Variants in MED15 observed in about 807,000 individuals in gnomAD.
MED15 encodes mediator complex subunit 15, also known as mediator of RNA polymerase II transcription subunit 15.
In MED15, 41 loss-of-function variants were observed where a neutral mutation model predicts 118.7. The observed-to-expected ratio is 0.35, with a 90% CI of 0.27 to 0.45. The LOEUF (loss-of-function observed/expected upper bound fraction) is 0.45. Ranked by LOEUF, MED15 falls within the 20% of genes least tolerant of loss-of-function variation. The pLI is 1.00. For synonymous variants in MED15, 436 were observed against 413.9 expected (o/e 1.05, Z -0.65); for missense variants, 740 against 1,025.5 (o/e 0.72, Z 3.80).
chr22:20,525,184 G>A (rs945348202), intron 1 of MED15, among the ~76,000 whole-genome samples: 1 of 152,042 alleles, frequency 6.6e-6, no homozygotes, highest in South Asian at 2.1e-4. Context: ...CCAGCTACTC[G>A]GGAGACTGAG....
intron 1 of MED15, chr22:20,508,105 C>G: frequency 7.9e-7 from 1 of 1,271,194 alleles, no homozygotes; most frequent in Non-Finnish European, 1.0e-6. Context: ...TTTAGCAGGG[C>G]TGGGTGCTTC....
At chr22:20,509,200 AGCACTT>A (rs1464571280) in intron 1 of MED15, among the ~76,000 whole-genome samples, 2 of 152,096 alleles carry the variant, frequency 1.3e-5, no homozygotes, top group African/African-American at 4.8e-5. Context: ...AGCAGGTACT[AGCACTT>A]TAGTGGGGGT....
At position 20,585,714 on chromosome 22, in the gene MED15, C is replaced by T; in HGVS notation, c.2132-14C>T. Reference sequence around the variant, plus strand: ...GGCTTGTCCAGGTCACAGATAGAGCCTTCTGTGTTGCAGATGACAAGGACC... The same window carrying T: ...GGCTTGTCCAGGTCACAGATAGAGCTTTCTGTGTTGCAGATGACAAGGACC... On this transcript the variant is annotated splice_polypyrimidine_tract_variant and intron_variant, in intron 16 of 17. Coordinates refer to ENST00000263205, the MANE Select transcript of MED15 (RefSeq NM_001003891.3). 6.2e-7 allele frequency: 1 copy of T among 1,610,250 alleles called. No individual in the cohort carries two copies. The highest frequency in any genetic ancestry group is 8.5e-7 in the Non-Finnish European group (1 of 1,177,582).
intron 8 of MED15, among the ~76,000 whole-genome samples, chr22:20,569,892 G>A (rs1216441374): frequency 6.6e-6 from 1 of 152,196 alleles, no homozygotes; most frequent in East Asian, 1.9e-4. Context: ...CCTTGTCCTG[G>A]TCTCATGCAG....
chr22:20,559,101 A>G (rs2056130344), intron 5 of MED15, among the ~76,000 whole-genome samples: 1 of 152,084 alleles, frequency 6.6e-6, no homozygotes, highest in Non-Finnish European at 1.5e-5. Flanking sequence ...GGCTATGGTG[A>G]ACTATCATTG....
intron 6 of MED15, among the ~76,000 whole-genome samples, chr22:20,564,952 C>T (rs554268338): frequency 6.6e-6 from 1 of 152,264 alleles, no homozygotes; most frequent in South Asian, 2.1e-4. Context: ...GGTGAAACCC[C>T]ATCTCTACTA....
chr22:20,518,847 A>G (rs754838975), intron 1 of MED15: 2 of 452,410 alleles, frequency 4.4e-6, no homozygotes, highest in South Asian at 3.1e-5. Flanking sequence ...TCTTTTTGAG[A>G]CATTCATTTA....
intron 5 of MED15, 132 bp downstream of exon 5, chr22:20,555,280 A>C: frequency 1.9e-6 from 2 of 1,051,676 alleles, no homozygotes; most frequent in Non-Finnish European, 2.7e-6. Context: ...TGTTTTTTAA[A>C]TCTTTGTTGT....
intron 2 of MED15, among the ~76,000 whole-genome samples, chr22:20,549,039 G>A (rs142925472): frequency 1.3e-5 from 2 of 152,276 alleles, no homozygotes; most frequent in African/African-American, 2.4e-5. Flanking sequence ...GGCCTCAAGG[G>A]ACCCTCCTGC....
intron 2 of MED15, among the ~76,000 whole-genome samples, chr22:20,539,665 C>T (rs1250594992): frequency 6.6e-6 from 1 of 152,166 alleles, no homozygotes; most frequent in African/African-American, 2.4e-5. Flanking sequence ...CAGATGTTTC[C>T]CAAAGCAACT....
In MED15 at chr22:20,586,638, C is replaced by T; in HGVS notation, c.2301C>T (p.His767=). 1 of 1,613,072 alleles carries T rather than the reference C, an allele frequency of 6.2e-7. No homozygotes were observed. The highest frequency in any genetic ancestry group is 1.6e-4 in the Middle Eastern group (1 of 6,062). The part of the protein sequence containing the change: ...TSRLLQLPDK[H]SVTALLNTWA... ...GGCTGCTGCAGCTCCCGGACAAGCA[C>T]TCGGTCACCGCCTTGCTCAACACCT... Residue 767 remains histidine (H), a synonymous_variant, in exon 18 of 18, where the codon CAC becomes CAT. Coordinates refer to ENST00000263205, the MANE Select transcript of MED15 (RefSeq NM_001003891.3).
chr22:20,583,516 A>C (rs2057049688), intron 13 of MED15, 123 bp downstream of exon 13: 10 of 1,113,332 alleles, frequency 9.0e-6, no homozygotes, highest in Non-Finnish European at 1.3e-5. Context: ...CCCTGGCCAG[A>C]GGCCTCCAAG....
At chr22:20,553,082 T>C (rs1177290987) in intron 3 of MED15, 63 bp from the exon 4 acceptor site, 5 of 1,509,742 alleles carry the variant, frequency 3.3e-6, no homozygotes, top group Non-Finnish European at 4.6e-6. Context: ...GACCTACCCA[T>C]GGAAATATGT....
chr22:20,560,245 C>G (rs2056180345), intron 5 of MED15, among the ~76,000 whole-genome samples: 2 of 151,916 alleles, frequency 1.3e-5, no homozygotes, highest in South Asian at 2.1e-4. Flanking sequence ...ATTCCAAGCA[C>G]TATTTCATTT....
chr22:20,508,039 C>G (rs1472712325), intron 1 of MED15: 1 of 1,383,648 alleles, frequency 7.2e-7, no homozygotes, highest in Admixed American at 3.0e-5. Flanking sequence ...GACTTTCCCC[C>G]GCTTTTTGAA....
chr22:20,541,553 G>A (rs531872694), intron 2 of MED15, among the ~76,000 whole-genome samples: 25 of 152,166 alleles, frequency 1.6e-4, no homozygotes, highest in African/African-American at 5.8e-4. Context: ...GCACAATCTC[G>A]TCTCACTACA....
At position 20,535,317 on chromosome 22, in the gene MED15, A is replaced by G. The variant is rs141666136; in HGVS notation, c.69-1800A>G. Among the ~76,000 whole-genome samples, 589 of 152,120 alleles carry G rather than the reference A, an allele frequency of 3.9e-3. 5 individuals are homozygous for G. Among genetic ancestry groups the G allele is most frequent in the African/African-American group, 0.013 (549 of 41,496 alleles). ...TCAATGTCATTTTGTTTTTCTTTTT[A>G]CATTAAGACAGATGTATGCACCTCT... On this transcript the variant is annotated intron_variant, in intron 1 of 17. Transcript: ENST00000263205.
At chr22:20,559,200 A>G (rs1023817850) in intron 5 of MED15, among the ~76,000 whole-genome samples, 1 of 152,170 alleles carries the variant, frequency 6.6e-6, no homozygotes, top group Admixed American at 6.5e-5. Flanking sequence ...CAGAAATTCA[A>G]ATGAAAAAGC....
intron 9 of MED15, among the ~76,000 whole-genome samples, chr22:20,581,212 G>A (rs537242188): frequency 6.6e-6 from 1 of 152,326 alleles, no homozygotes; most frequent in Non-Finnish European, 1.5e-5. Context: ...CATGGAACAG[G>A]CAGGACAGAA....
Sources: allele counts gnomAD v4.1 joint callset (sites outside exome capture counted in the v4.1 genomes callset), GRCh38; gene constraint gnomAD v4.1.1; transcripts MANE v1.5; gene names NCBI Gene and HGNC (gene_info 2026-07-23, HGNC 2026-07-21).